The following MAP3K4 variants were observed in gnomAD, a reference collection of about 807,000 sequenced individuals.
MAP3K4 encodes the protein mitogen-activated protein kinase kinase kinase 4.
In MAP3K4, 67 loss-of-function variants were observed where a neutral mutation model predicts 185.6. That is an observed-to-expected ratio of 0.36 (90% confidence interval 0.30 to 0.44). MAP3K4 has a LOEUF of 0.44. Ranked by LOEUF, MAP3K4 falls within the 20% of genes least tolerant of loss-of-function variation. MAP3K4 has a pLI of 1.00. For missense variants in MAP3K4, 1,551 were observed against 1,995.1 expected (o/e 0.78, Z 4.24); for synonymous variants, 702 against 710.4 (o/e 0.99, Z 0.19).
rs9346846 is a variant in MAP3K4, at chr6:161,048,423, T to A, written c.344-193T>A. ...CAGCAAATACTGGAAAAATGGATAA[T>A]TTTTTTTAAAATATAGAAAATGTCA... On this transcript the variant is annotated intron_variant, in intron 2 of 26. Transcript: ENST00000392142. The surrounding 1 kb of genome is among the most constrained non-coding windows in gnomAD (Gnocchi z 4.7). The A allele has an allele frequency of 0.89, 542,632 of 607,158 alleles. 243,046 individuals carry two copies. The highest frequency in any genetic ancestry group is 0.99 in the East Asian group (34,737 of 35,032). The allele number at this position is 607,158 out of a possible 1,614,324, so 37.6% of individuals were successfully genotyped here.
chr6:161,093,687 T>A lies in MAP3K4; in HGVS notation c.3349-86T>A, dbSNP rs1422891623. ...TTTGGGTAGCATGTTTTTAAAAATA[T>A]ACTGAAAATTAATTTGTGCTACTTA... On this transcript the variant is annotated intron_variant, in intron 14 of 26. Transcript: ENST00000392142. This position sits in a 1 kb window ranked among gnomAD's most constrained non-coding sequence, Gnocchi z 5.2. 3 of 758,472 alleles carry A rather than the reference T, an allele frequency of 4.0e-6. No individual in the cohort carries two copies. Among genetic ancestry groups the A allele is most frequent in the South Asian group, 1.8e-5 (1 of 55,996 alleles). The allele number at this position is 758,472 out of a possible 1,614,324, so 47.0% of individuals were successfully genotyped here. A position where few individuals can be genotyped will look rare whatever the true frequency, so the allele number is the denominator to read the frequency against.
At chr6:161,011,360 T>A (rs528499482) in intron 1 of MAP3K4, among the ~76,000 whole-genome samples, 12 of 152,304 alleles carry the variant, frequency 7.9e-5, no homozygotes, top group African/African-American at 2.9e-4. Flanking sequence ...TTTTTCAGGA[T>A]TCTGTTTTTT....
At chr6:160,992,811 G>A (rs1780797574) in intron 1 of MAP3K4, among the ~76,000 whole-genome samples, 1 of 151,912 alleles carries the variant, frequency 6.6e-6, no homozygotes, top group Admixed American at 6.6e-5. Context: ...TTATTTTTAT[G>A]TCTTTATTTT....
chr6:161,041,326 C>T (rs1313833621), intron 2 of MAP3K4, among the ~76,000 whole-genome samples: 1 of 152,204 alleles, frequency 6.6e-6, no homozygotes, highest in African/African-American at 2.4e-5. Context: ...AACAGGAGCC[C>T]CTGGGGGCTG....
At chr6:161,001,353 A>G (rs575058195) in intron 1 of MAP3K4, among the ~76,000 whole-genome samples, 4 of 152,184 alleles carry the variant, frequency 2.6e-5, no homozygotes, top group African/African-American at 9.6e-5. Context: ...TATGCATGAT[A>G]TATATGTCAT....
intron 3 of MAP3K4, among the ~76,000 whole-genome samples, chr6:161,057,017 A>G (rs983641843): frequency 6.6e-6 from 1 of 152,216 alleles, no homozygotes; most frequent in Admixed American, 6.5e-5. Context: ...TAAGATGAAT[A>G]TATTGTAATG....
chr6:161,016,526 G>A (rs1447020174), intron 1 of MAP3K4, among the ~76,000 whole-genome samples: 1 of 152,204 alleles, frequency 6.6e-6, no homozygotes, highest in African/African-American at 2.4e-5. Context: ...CACATATGGT[G>A]TGAATTAAGG....
At chr6:161,068,046 A>G (rs1182680888) in intron 3 of MAP3K4, among the ~76,000 whole-genome samples, 1 of 152,220 alleles carries the variant, frequency 6.6e-6, no homozygotes, top group East Asian at 1.9e-4. Flanking sequence ...TGGCACTTTT[A>G]TAGGAGTATT....
rs748024213 is a variant in MAP3K4, at chr6:161,048,319, T to A, written c.344-297T>A. Reference sequence around the variant, plus strand: ...GATTACTTACGGAAATTTGGTTAAATGATTTGATAACTATGCTTTGTAGCA... The same window carrying A: ...GATTACTTACGGAAATTTGGTTAAAAGATTTGATAACTATGCTTTGTAGCA... On this transcript the variant is annotated intron_variant, in intron 2 of 26. Transcript: ENST00000392142. The surrounding 1 kb of genome is among the most constrained non-coding windows in gnomAD (Gnocchi z 4.7). 3 of 593,196 alleles carry A rather than the reference T, an allele frequency of 5.1e-6. No homozygotes were observed. In the East Asian group the frequency reaches 1.3e-4, roughly 26 times the overall value. The allele number at this position is 593,196 out of a possible 1,614,324, so 36.7% of individuals were successfully genotyped here.
intron 1 of MAP3K4, among the ~76,000 whole-genome samples, chr6:161,021,147 TA>T (rs1782366961): frequency 6.6e-6 from 1 of 152,244 alleles, no homozygotes; most frequent in African/African-American, 2.4e-5. Flanking sequence ...CATGTTTTAT[TA>T]CCTCTTAGAT....
chr6:161,000,222 C>T (rs1048269379), intron 1 of MAP3K4, among the ~76,000 whole-genome samples: 1 of 152,164 alleles, frequency 6.6e-6, no homozygotes, highest in Non-Finnish European at 1.5e-5. Flanking sequence ...AATTGTTCAT[C>T]ATAACCTACT....
chr6:161,017,242 G>A lies in MAP3K4; in HGVS notation c.153-17017G>A, dbSNP rs908459541. 2.0e-5 allele frequency among the ~76,000 whole-genome samples: 3 copies of A among 152,152 alleles called. No individual in the cohort carries two copies. The highest frequency in any genetic ancestry group is 1.3e-4 in the Admixed American group (2 of 15,276). On this transcript the variant is annotated intron_variant, in intron 1 of 26. Transcript: ENST00000392142. This position sits in a 1 kb window ranked among gnomAD's most constrained non-coding sequence, Gnocchi z 5.1. ...TTAAATGTAGGTTTTCGGAAATTGA[G>A]TGTTTCCTGTCTTAATTAGTATATT...
intron 15 of MAP3K4, among the ~76,000 whole-genome samples, chr6:161,095,627 C>G (rs1295443653): frequency 6.6e-6 from 1 of 152,220 alleles, no homozygotes; most frequent in Non-Finnish European, 1.5e-5. Context: ...GGAGAAATGT[C>G]TCCAAGTCAA....
In MAP3K4 at chr6:161,044,740, G is replaced by A. The variant is rs572072346; in HGVS notation, c.344-3876G>A. On this transcript the variant is annotated intron_variant, in intron 2 of 26. Transcript: ENST00000392142. ...TCATGGTTCTGTATGCTATACAAGC[G>A]TGGCACCAATATCAACTCAGCTTCT... Among the ~76,000 whole-genome samples the A allele has an allele frequency of 7.2e-4, 109 of 152,338 alleles. 2 individuals are homozygous for A. In the South Asian group the frequency reaches 0.021, roughly 30 times the overall value.
At position 161,075,373 on chromosome 6, in the gene MAP3K4, G is replaced by T. The variant is rs1785124355; in HGVS notation, c.2097+1761G>T. On this transcript the variant is annotated intron_variant, in intron 5 of 26. Coordinates refer to ENST00000392142, the MANE Select transcript of MAP3K4 (RefSeq NM_005922.4). The surrounding 1 kb of genome is among the most constrained non-coding windows in gnomAD (Gnocchi z 4.3). Reference sequence around the variant, plus strand: ...GGGTCTCACTATGTTGCCCAGGCTGGTCTTGAACTCCTGGGCTCAGTGATC... The same window carrying T: ...GGGTCTCACTATGTTGCCCAGGCTGTTCTTGAACTCCTGGGCTCAGTGATC... 1.3e-5 allele frequency among the ~76,000 whole-genome samples: 2 copies of T among 152,000 alleles called. No homozygotes were observed. Among genetic ancestry groups the T allele is most frequent in the Non-Finnish European group, 2.9e-5 (2 of 68,006 alleles).
chr6:161,078,086 T>C (rs1444714780), intron 5 of MAP3K4, among the ~76,000 whole-genome samples: 1 of 152,104 alleles, frequency 6.6e-6, no homozygotes, highest in East Asian at 1.9e-4. Flanking sequence ...TCTATTTTTG[T>C]GTGGAGAGGT....
Position 161,008,837 on chromosome 6 carries a change from ATGT to A in MAP3K4, c.152+16759_152+16761del, listed in dbSNP as rs1781713767. On this transcript the variant is annotated intron_variant, in intron 1 of 26. Coordinates refer to ENST00000392142, the MANE Select transcript of MAP3K4 (RefSeq NM_005922.4). This position sits in a 1 kb window ranked among gnomAD's most constrained non-coding sequence, Gnocchi z 4.1. Reference sequence around the variant, plus strand: ...AGCATGGTGCTTGTGAGGTTCATCTATGTTGTTTTGGTTGATGGTGGTTCTTTC... The same window carrying A: ...AGCATGGTGCTTGTGAGGTTCATCTATGTTTTGGTTGATGGTGGTTCTTTC... Among the ~76,000 whole-genome samples the A allele has an allele frequency of 6.6e-6, 1 of 151,962 alleles. No individual in the cohort carries two copies. Among genetic ancestry groups the A allele is most frequent in the Non-Finnish European group, 1.5e-5 (1 of 67,984 alleles).
rs2115101893 is a variant in MAP3K4 at position 161,018,034 on chromosome 6, A to G, written c.153-16225A>G. On this transcript the variant is annotated intron_variant, in intron 1 of 26. Transcript: ENST00000392142. ...AGACAGCAGGCTGTACATGATAGTA[A>G]TCCCTGAGGCAAGGGAAACAAATAA... 2.0e-5 allele frequency among the ~76,000 whole-genome samples: 3 copies of G among 152,344 alleles called. No homozygotes were observed. The South Asian group carries it at 6.2e-4, about 32-fold the overall frequency.
At chr6:161,028,063 A>G (rs924643380) in intron 1 of MAP3K4, among the ~76,000 whole-genome samples, 1 of 152,194 alleles carries the variant, frequency 6.6e-6, no homozygotes, top group African/African-American at 2.4e-5. Context: ...GGACTGGTCC[A>G]GTGTCATTTT....
Sources: gnomAD v4.1 joint callset for allele counts (sites outside exome capture counted in the v4.1 genomes callset) on GRCh38, gnomAD v4.1.1 for gene constraint, Gnocchi (gnomAD v3.1) non-coding constraint, MANE v1.5 for transcripts, NCBI Gene and HGNC (gene_info 2026-07-23, HGNC 2026-07-21) for gene names.